The following ESRRG variants were observed in gnomAD, a reference collection of about 807,000 sequenced individuals.
The protein encoded by ESRRG is estrogen related receptor gamma.
ESRRG carries 13 observed loss-of-function variants against 44.0 expected under a neutral mutation model. The ratio of observed to expected loss-of-function variants is 0.30; its 90% confidence interval spans 0.19 to 0.47. The LOEUF (loss-of-function observed/expected upper bound fraction) is 0.47, where lower values mean the gene tolerates loss of function less well. Among genes scored for constraint, ESRRG ranks in the 20% least tolerant of loss-of-function variants. ESRRG has a pLI of 1.00. For missense variants in ESRRG, 395 were observed against 580.6 expected, an observed-to-expected ratio of 0.68 and a Z score of 3.29; for synonymous variants, 215 against 214.6, an observed-to-expected ratio of 1.00 and a Z score of -0.02.
At chr1:216,874,418 T>A (rs1410669114) in intron 2 of ESRRG, among the ~76,000 whole-genome samples, 1 of 152,066 alleles carries the variant, frequency 6.6e-6, no homozygotes, top group Non-Finnish European at 1.5e-5. Context: ...ATATGAGAAA[T>A]AAAACTGCTA....
chr1:217,129,425 T>C (rs550653098), intron 1 of ESRRG, among the ~76,000 whole-genome samples: 7 of 152,286 alleles, frequency 4.6e-5, no homozygotes, highest in African/African-American at 1.7e-4. Context: ...AGAAGTATGG[T>C]TGGTTCCTAA....
At chr1:216,995,064 C>CT (rs1166161400) in intron 1 of ESRRG, among the ~76,000 whole-genome samples, 1 of 152,180 alleles carries the variant, frequency 6.6e-6, no homozygotes, top group Admixed American at 6.5e-5. Flanking sequence ...CACTAGCCTG[C>CT]ACTTAAAGAT....
chr1:216,986,350 G>A (rs530096583), intron 1 of ESRRG, among the ~76,000 whole-genome samples: 9 of 152,216 alleles, frequency 5.9e-5, no homozygotes, highest in Admixed American at 5.9e-4. Context: ...CCATGTCTGA[G>A]AATGCAGATT....
intron 6 of ESRRG, 112 bp downstream of exon 6, chr1:216,519,040 G>A: frequency 1.2e-6 from 1 of 851,206 alleles, no homozygotes. Flanking sequence ...TAATTTTGCT[G>A]ACTCATACAA....
chr1:216,673,172 G>A (rs894790889), intron 2 of ESRRG, among the ~76,000 whole-genome samples: 25 of 152,164 alleles, frequency 1.6e-4, no homozygotes, highest in African/African-American at 6.0e-4. Flanking sequence ...TGAACTCTAA[G>A]GCAGCTTCAG....
At chr1:216,539,513 G>A (rs1473403616) in intron 5 of ESRRG, among the ~76,000 whole-genome samples, 1 of 151,700 alleles carries the variant, frequency 6.6e-6, no homozygotes, top group African/African-American at 2.4e-5. Context: ...CAATCACTTG[G>A]GCCTCCTTCC....
At chr1:216,758,777 A>G (rs1380371752) in intron 2 of ESRRG, among the ~76,000 whole-genome samples, 1 of 152,034 alleles carries the variant, frequency 6.6e-6, no homozygotes, top group Non-Finnish European at 1.5e-5. Context: ...AAGTCAAAGA[A>G]TTCAGGGGGT....
At chr1:216,707,823 C>A (rs2082744001) in intron 1 of ESRRG, among the ~76,000 whole-genome samples, 1 of 152,100 alleles carries the variant, frequency 6.6e-6, no homozygotes, top group Non-Finnish European at 1.5e-5. Flanking sequence ...CAATGTGAGA[C>A]TATAAGCAAT....
chr1:216,587,638 GAAAAGCATTTATGCT>G (rs2056900856), intron 3 of ESRRG, among the ~76,000 whole-genome samples: 1 of 152,092 alleles, frequency 6.6e-6, no homozygotes, highest in Non-Finnish European at 1.5e-5. Context: ...CCCCCTCTTA[GAAAAGCATTTATGCT>G]CAGAATTTTT....
At chr1:217,101,238 C>T (rs1215545388) in intron 1 of ESRRG, among the ~76,000 whole-genome samples, 4 of 152,296 alleles carry the variant, frequency 2.6e-5, no homozygotes, top group South Asian at 2.1e-4. Flanking sequence ...TCCTGACCAC[C>T]TAATCAGGTA....
intron 1 of ESRRG, among the ~76,000 whole-genome samples, chr1:217,102,212 C>A (rs1372783836): frequency 6.6e-6 from 1 of 152,184 alleles, no homozygotes; most frequent in Non-Finnish European, 1.5e-5. Context: ...GTTGTTACAT[C>A]CATTTTTAAA....
At chr1:216,912,233 GA>G (rs2060535532) in intron 2 of ESRRG, among the ~76,000 whole-genome samples, 1 of 61,154 alleles carries the variant, frequency 1.6e-5, no homozygotes, top group African/African-American at 5.4e-5. Context: ...GAGGAGAGGA[GA>G]GGAGAGGAGA....
chr1:216,614,625 A>T (rs1385392750), intron 3 of ESRRG, among the ~76,000 whole-genome samples: 1 of 152,202 alleles, frequency 6.6e-6, no homozygotes, highest in Non-Finnish European at 1.5e-5. Flanking sequence ...TGTCAGTATC[A>T]AAATAAAGTA....
intron 1 of ESRRG, among the ~76,000 whole-genome samples, chr1:217,024,134 G>A (rs1306515139): frequency 3.3e-5 from 5 of 152,094 alleles, no homozygotes; most frequent in African/African-American, 1.2e-4. Context: ...CCAGGTGGGC[G>A]GATCACGAGG....
At chr1:216,735,990 AT>A (rs1177517954) in intron 2 of ESRRG, among the ~76,000 whole-genome samples, 9 of 93,288 alleles carry the variant, frequency 9.6e-5, no homozygotes, top group Non-Finnish European at 1.0e-4. Flanking sequence ...AAAAAAAAAT[AT>A]ATATATATAT....
At chr1:216,535,506 T>C (rs943400900) in intron 5 of ESRRG, among the ~76,000 whole-genome samples, 1 of 152,108 alleles carries the variant, frequency 6.6e-6, no homozygotes, top group African/African-American at 2.4e-5. Flanking sequence ...CAGATATAAA[T>C]ACCCTTGACC....
chr1:216,916,320 T>C (rs187093445), intron 2 of ESRRG, among the ~76,000 whole-genome samples: 7 of 152,364 alleles, frequency 4.6e-5, no homozygotes, highest in Middle Eastern at 3.4e-3. Flanking sequence ...ATTTGTTTCA[T>C]GTCACCGTTC....
At chr1:216,707,771 A>G (rs2082735885) in intron 1 of ESRRG, among the ~76,000 whole-genome samples, 1 of 152,240 alleles carries the variant, frequency 6.6e-6, no homozygotes, top group South Asian at 2.1e-4. Context: ...AGCTTTAATG[A>G]TTTTAAAAAC....
chr1:216,697,153 A>T (rs2080335175), intron 1 of ESRRG, among the ~76,000 whole-genome samples: 1 of 151,994 alleles, frequency 6.6e-6, no homozygotes, highest in Admixed American at 6.6e-5. Context: ...TTTAGTAGAG[A>T]CAGGGTTTCT....
Sources: allele counts gnomAD v4.1 joint callset (sites outside exome capture counted in the v4.1 genomes callset), GRCh38; gene constraint gnomAD v4.1.1; transcripts MANE v1.5; gene names NCBI Gene and HGNC (gene_info 2026-07-23, HGNC 2026-07-21).